The following PXDN variants were observed in gnomAD, a reference collection of about 807,000 sequenced individuals.
PXDN encodes peroxidasin, also known as peroxidasin homolog.
In PXDN, 77 loss-of-function variants were observed where a neutral mutation model predicts 140.3. That is an observed-to-expected ratio of 0.55 (90% CI 0.46 to 0.66). The LOEUF (loss-of-function observed/expected upper bound fraction) is 0.66. PXDN is among the 30% of genes least tolerant of loss of function. The pLI is 0.00. For synonymous variants in PXDN, 911 were observed against 857.4 expected (o/e 1.06, Z -1.09); for missense variants, 1,838 against 2,039.5 (o/e 0.90, Z 1.90).
chr2:1,726,737 A>C (rs1171936760), intron 1 of PXDN, among the ~76,000 whole-genome samples: 2 of 152,184 alleles, frequency 1.3e-5, no homozygotes, highest in Non-Finnish European at 2.9e-5. Context: ...TTTATCTCCC[A>C]ACCTATAGGG....
Position 1,644,760 on chromosome 2 carries a change from A to T in PXDN, c.3609-8T>A. 6.7e-7 allele frequency: 1 copy of T among 1,498,842 alleles called. No individual in the cohort carries two copies. The highest frequency in any genetic ancestry group is 1.4e-5 in the African/African-American group (1 of 71,266). The allele number at this position is 1,498,842 out of a possible 1,614,324, so 92.8% of individuals were successfully genotyped here. On this transcript the variant is annotated splice_region_variant and splice_polypyrimidine_tract_variant and intron_variant, in intron 17 of 22. Coordinates refer to ENST00000252804, the MANE Select transcript of PXDN (RefSeq NM_012293.3). The stretch of plus-strand genomic sequence containing the variant: ...AGTGTCGAGCCATACAACCTAAAAA[A>T]TAAAGAGAAAACTGAAATCTACCTA...
chr2:1,698,588 AG>A (rs1332482242), intron 1 of PXDN, among the ~76,000 whole-genome samples: 1 of 152,140 alleles, frequency 6.6e-6, no homozygotes, highest in Non-Finnish European at 1.5e-5. Context: ...GTCTAAAGTC[AG>A]TCAGTCTGTA....
At chr2:1,690,903 A>G (rs1051256208) in intron 3 of PXDN, among the ~76,000 whole-genome samples, 3 of 152,200 alleles carry the variant, frequency 2.0e-5, no homozygotes, top group Non-Finnish European at 4.4e-5. Context: ...ATCAAAACAG[A>G]TTTCAGAGTA....
intron 1 of PXDN, among the ~76,000 whole-genome samples, chr2:1,742,395 C>T (rs921206302): frequency 2.0e-5 from 3 of 152,130 alleles, no homozygotes; most frequent in Non-Finnish European, 2.9e-5. Flanking sequence ...GCAAATGTAC[C>T]CTATGAGGAA....
chr2:1,735,293 G>C (rs541679282), intron 1 of PXDN, among the ~76,000 whole-genome samples: 1 of 152,258 alleles, frequency 6.6e-6, no homozygotes, highest in South Asian at 2.1e-4. Flanking sequence ...GTTCTTAATG[G>C]TGTCTAAAAT....
chr2:1,740,551 T>C (rs1308304610), intron 1 of PXDN, among the ~76,000 whole-genome samples: 1 of 121,166 alleles, frequency 8.3e-6, no homozygotes, highest in East Asian at 2.2e-4. Flanking sequence ...TCTGCTCATG[T>C]GAACACAGGC....
chr2:1,693,899 C>T (rs944328924), intron 1 of PXDN, among the ~76,000 whole-genome samples: 7 of 152,316 alleles, frequency 4.6e-5, no homozygotes, highest in South Asian at 4.1e-4. Flanking sequence ...GCCCCAACCA[C>T]GGAGGCCACG....
rs556131620 is a variant in PXDN, at chr2:1,687,747, G to A, written c.345-44C>T. 2.2e-6 allele frequency: 3 copies of A among 1,390,012 alleles called. No individual in the cohort carries two copies. The highest frequency in any genetic ancestry group is 3.7e-5 in the Admixed American group (2 of 53,646). The allele number at this position is 1,390,012 out of a possible 1,614,324, so 86.1% of individuals were successfully genotyped here. A position where few individuals can be genotyped will look rare whatever the true frequency, so the allele number is the denominator to read the frequency against. ...GGGAGCATTAGCACACAGACAGGAG[G>A]TCAAACTTCAGACGGAAAAGAAGAA... is the stretch of plus-strand genomic sequence containing the variant. On this transcript the variant is annotated intron_variant, in intron 3 of 22. Coordinates refer to ENST00000252804, the MANE Select transcript of PXDN (RefSeq NM_012293.3). The surrounding 1 kb of genome is among the most constrained non-coding windows in gnomAD (Gnocchi z 4.0).
intron 1 of PXDN, among the ~76,000 whole-genome samples, chr2:1,697,214 C>T (rs890054): frequency 0.88 from 133,232 of 152,170 alleles, 58,888 homozygotes; most frequent in Middle Eastern, 0.95. Context: ...GAAGATATAA[C>T]GCAAATACAC....
At position 1,744,342 on chromosome 2, in the gene PXDN, G is replaced by A. The variant is rs745830664; in HGVS notation, c.114C>T (p.Ser38=). 15 of 1,527,630 alleles carry A rather than the reference G, an allele frequency of 9.8e-6. No individual in the cohort carries two copies. The East Asian group carries it at 3.0e-4, about 30-fold the overall frequency. 94.6% of individuals were successfully genotyped at this position (1,527,630 alleles called of 1,614,324 possible). ...CGGTGGTGCGGAAGCACAGGCAGCG[G>A]CTCGGACACCCTGCGCCCGGCTTCT... ...VAQKPGAGCP[S]RCLCFRTTVR... The change falls in exon 1 of 23, where the codon AGC becomes AGT. Residue 38 remains serine (S), a synonymous_variant. Transcript: ENST00000252804.
At chr2:1,735,415 G>A (rs1008397298) in intron 1 of PXDN, among the ~76,000 whole-genome samples, 1 of 152,154 alleles carries the variant, frequency 6.6e-6, no homozygotes, top group African/African-American at 2.4e-5. Context: ...AATAAGACTT[G>A]AAAGTCAAAA....
chr2:1,634,273 A>T lies in PXDN; in HGVS notation c.4371T>A (p.Ala1457=). ...FVEACPPATC[A]VPVNIPGACC... is the part of the protein sequence containing the mutation. ...AGGCCCCTGGGATGTTCACGGGGAC[A>T]GCACAGGTGGCAGGGGGGCAAGCTT... The change falls in exon 23 of 23, where the codon GCT becomes GCA. Residue 1457 remains alanine, a synonymous_variant. Transcript: ENST00000252804. 1 of 1,608,174 alleles carries T rather than the reference A, an allele frequency of 6.2e-7. No homozygotes were observed. The highest frequency in any genetic ancestry group is 8.5e-7 in the Non-Finnish European group (1 of 1,177,556).
rs1348500338 is a variant in PXDN at position 1,714,082 on chromosome 2, T to TA, written c.201-20949dup. ...GGCGGCTTTGGAAATGGCCTTCGGA[T>TA]AAACAGCTTCAAGAAAGCGCATCCG... On this transcript the variant is annotated intron_variant, in intron 1 of 22. Transcript: ENST00000252804. This position sits in a 1 kb window ranked among gnomAD's most constrained non-coding sequence, Gnocchi z 4.3. Among the ~76,000 whole-genome samples the TA allele has an allele frequency of 2.0e-5, 3 of 152,198 alleles. No homozygotes were observed. The highest frequency in any genetic ancestry group is 2.4e-5 in the African/African-American group (1 of 41,452).
chr2:1,634,718 G>C (rs1224338921), intron 22 of PXDN, among the ~76,000 whole-genome samples: 1 of 152,184 alleles, frequency 6.6e-6, no homozygotes, highest in Non-Finnish European at 1.5e-5. Flanking sequence ...GAGGGGGGAA[G>C]GGACAGGGCT....
In PXDN at chr2:1,676,925, A is replaced by C. The variant is rs1683732390; in HGVS notation, c.848+2T>G. ...GGGCATTTCTGTTTGGCCCCAACTCACTTGTTTCGCAGCCAGATGATCTCA... is the reference window on the plus strand; with the variant it reads ...GGGCATTTCTGTTTGGCCCCAACTCCCTTGTTTCGCAGCCAGATGATCTCA... On this transcript the variant is annotated splice_donor_variant, in intron 8 of 22. Transcript: ENST00000252804. LOFTEE classifies it high-confidence loss of function. The C allele has an allele frequency of 6.2e-7, 1 of 1,609,352 alleles. No individual in the cohort carries two copies. The highest frequency in any genetic ancestry group is 1.7e-5 in the Admixed American group (1 of 59,518).
chr2:1,743,766 C>CAGGGCGGA lies in PXDN; in HGVS notation c.200+489_200+490insTCCGCCCT, dbSNP rs1247534189. Among the ~76,000 whole-genome samples the CAGGGCGGA allele has an allele frequency of 2.7e-3, 189 of 69,956 alleles. 3 individuals carry two copies. Among genetic ancestry groups the CAGGGCGGA allele is most frequent in the African/African-American group, 8.9e-3 (181 of 20,276 alleles). The allele number at this position is 69,956 out of a possible 152,430, so 45.9% of individuals were successfully genotyped here. Reference sequence around the variant, plus strand: ...GGAGGGGAGCGAACAGGACGAGGAACGGGGCGGAGGGGGCTGGGAGGACGG... The same window carrying CAGGGCGGA: ...GGAGGGGAGCGAACAGGACGAGGAACAGGGCGGAGGGGCGGAGGGGGCTGGGAGGACGG... On this transcript the variant is annotated intron_variant, in intron 1 of 22. Coordinates refer to ENST00000252804, the MANE Select transcript of PXDN (RefSeq NM_012293.3).
chr2:1,648,752 C>A lies in PXDN; in HGVS notation c.3028G>T (p.Asp1010Tyr). ...GTCTCATAGTAGATGGTGTCGCCGT[C>A]CCAGTGCGGGTTCAGCTTGAGCAGC... ...TELLKLNPHWDGDTIYYETRK... is the reference protein window; with the variant it reads ...TELLKLNPHWYGDTIYYETRK... The change falls in exon 17 of 23, where the codon GAC (aspartate) becomes TAC (tyrosine). Residue 1010 changes from aspartate to tyrosine, a missense_variant. Coordinates refer to ENST00000252804, the MANE Select transcript of PXDN (RefSeq NM_012293.3). The surrounding 1 kb of genome is among the most constrained non-coding windows in gnomAD (Gnocchi z 8.9). 1 of 1,604,260 alleles carries A rather than the reference C, an allele frequency of 6.2e-7. No individual in the cohort carries two copies.
chr2:1,738,622 C>T (rs928375276), intron 1 of PXDN, among the ~76,000 whole-genome samples: 4 of 151,490 alleles, frequency 2.6e-5, no homozygotes, highest in Non-Finnish European at 5.9e-5. Flanking sequence ...GATCCCATCT[C>T]ACTACAACCT....
chr2:1,678,133 G>A (rs1475618677), intron 7 of PXDN, among the ~76,000 whole-genome samples: 7 of 152,068 alleles, frequency 4.6e-5, no homozygotes, highest in Non-Finnish European at 4.4e-5. Flanking sequence ...TCTGGGAACC[G>A]TGCCTCCTCT....
Sources: allele counts gnomAD v4.1 joint callset (sites outside exome capture counted in the v4.1 genomes callset), GRCh38; gene constraint gnomAD v4.1.1; non-coding constraint Gnocchi (gnomAD v3.1); transcripts MANE v1.5; gene names NCBI Gene and HGNC (gene_info 2026-07-23, HGNC 2026-07-21).